The following ZFAT variants were observed in gnomAD, a reference collection of about 807,000 sequenced individuals.
ZFAT encodes zinc finger protein ZFAT.
ZFAT carries 64 observed loss-of-function variants against 117.7 expected under a neutral mutation model. The observed-to-expected ratio is 0.54, with a 90% CI of 0.44 to 0.67. The LOEUF is 0.67. Ranked by LOEUF, ZFAT falls within the 30% of genes least tolerant of loss-of-function variation. The probability of loss-of-function intolerance (pLI) is 0.00; values close to 1 mark genes in which losing one functional copy is unlikely to be tolerated. For synonymous variants in ZFAT, 679 were observed against 615.0 expected (o/e 1.10, Z -1.54); for missense variants, 1,433 against 1,584.5 (o/e 0.90, Z 1.62).
intron 11 of ZFAT, among the ~76,000 whole-genome samples, chr8:134,559,287 C>T (rs915971387): frequency 6.6e-6 from 1 of 152,182 alleles, no homozygotes; most frequent in African/African-American, 2.4e-5. Flanking sequence ...GGCTTGAAAG[C>T]AAACATAAGT....
intron 1 of ZFAT, among the ~76,000 whole-genome samples, chr8:134,704,512 C>T (rs761084637): frequency 6.6e-6 from 1 of 152,230 alleles, no homozygotes; most frequent in Non-Finnish European, 1.5e-5. Context: ...CTCATCCCTA[C>T]AGCCTGGACT....
At position 134,629,386 on chromosome 8, in the gene ZFAT, A is replaced by G. The variant is rs142510474; in HGVS notation, c.448+8075T>C. 8.7e-4 allele frequency among the ~76,000 whole-genome samples: 132 copies of G among 152,192 alleles called. 1 individual carries two copies. Among genetic ancestry groups the G allele is most frequent in the African/African-American group, 3.1e-3 (128 of 41,536 alleles). The stretch of plus-strand genomic sequence containing the variant: ...CGGCCGTCACTAGTGACGGTCACCA[A>G]GCATTTCCAGGGCTCCCCTACCCCG... On this transcript the variant is annotated intron_variant, in intron 3 of 15. Transcript: ENST00000377838.
Position 134,600,546 on chromosome 8 carries a change from C to A in ZFAT, c.2365G>T (p.Val789Leu). The A allele has an allele frequency of 3.7e-6, 6 of 1,614,110 alleles. No homozygotes were observed. The highest frequency in any genetic ancestry group is 1.1e-5 in the South Asian group (1 of 91,072). The stretch of plus-strand genomic sequence containing the variant: ...AAGATGTTACTGTGTTTCTGAATTA[C>A]GTGGCGTTTAAGGCAGTTTTTGGTG... ...SITKNCLKRH[V>L]IQKHSNILLK... The change falls in exon 7 of 16, where the codon GTA becomes TTA. Residue 789 changes from valine to leucine, a missense_variant. Around this residue, in one of 5 missense-constraint regions of ZFAT, gnomAD observed 49 missense variants for 81.5 expected, o/e 0.60. Coordinates refer to ENST00000377838, the MANE Select transcript of ZFAT (RefSeq NM_020863.4).
At chr8:134,731,322 C>T in the ZFAT span, among the ~76,000 whole-genome samples, 1 of 152,158 alleles carries the variant, frequency 6.6e-6, no homozygotes, top group Non-Finnish European at 1.5e-5. Flanking sequence ...CATAATAGCC[C>T]CAAGTGAGAA....
chr8:134,782,036 G>A, the ZFAT span, among the ~76,000 whole-genome samples: 3 of 152,164 alleles, frequency 2.0e-5, no homozygotes, highest in Admixed American at 6.5e-5. Flanking sequence ...GTGGCAGGGT[G>A]GGGTTAGGAT....
the ZFAT span, among the ~76,000 whole-genome samples, chr8:134,730,247 A>G: frequency 6.6e-6 from 1 of 152,236 alleles, no homozygotes; most frequent in Non-Finnish European, 1.5e-5. Flanking sequence ...GACAAGGCAA[A>G]GGCCCAACGT....
chr8:134,564,915 G>A (rs1440612732), intron 11 of ZFAT: 16 of 1,195,402 alleles, frequency 1.3e-5, no homozygotes, highest in Middle Eastern at 2.4e-4. Context: ...GGACACTCCC[G>A]AACACAATCT....
intron 1 of ZFAT, among the ~76,000 whole-genome samples, chr8:134,674,139 T>C (rs1461147155): frequency 1.3e-5 from 2 of 152,170 alleles, no homozygotes; most frequent in Non-Finnish European, 2.9e-5. Flanking sequence ...AGGTGGGGCA[T>C]TGCCTCACCT....
intron 15 of ZFAT, among the ~76,000 whole-genome samples, chr8:134,504,447 A>C (rs1819241561): frequency 6.6e-6 from 1 of 152,210 alleles, no homozygotes; most frequent in Non-Finnish European, 1.5e-5. Flanking sequence ...CCAGGGAAAG[A>C]AGAAAGGGCA....
upstream of ZFAT, among the ~76,000 whole-genome samples, chr8:134,713,399 G>A (rs1814113711): frequency 6.6e-6 from 1 of 152,238 alleles, no homozygotes; most frequent in South Asian, 2.1e-4. Context: ...ACTTGGGGCA[G>A]CGAATTAACT....
At chr8:134,507,221 C>T (rs1819482021) in intron 15 of ZFAT, among the ~76,000 whole-genome samples, 2 of 152,074 alleles carry the variant, frequency 1.3e-5, no homozygotes, top group Non-Finnish European at 2.9e-5. Flanking sequence ...AGGTTGAAAC[C>T]AATTTTTCTA....
At chr8:134,769,376 G>A in the ZFAT span, among the ~76,000 whole-genome samples, 2 of 152,208 alleles carry the variant, frequency 1.3e-5, no homozygotes, top group African/African-American at 4.8e-5. Context: ...ATGCAAGTCT[G>A]AAATCCAGTG....
rs150223960 is a variant in ZFAT at position 134,564,001 on chromosome 8, G to A, written c.2976+1332C>T. ...TCTACTAAAAATACAAAAATTAGCTGAGCGTGGCAGCGGGCTACCTGAGAC... is the reference window on the plus strand; with the variant it reads ...TCTACTAAAAATACAAAAATTAGCTAAGCGTGGCAGCGGGCTACCTGAGAC... On this transcript the variant is annotated intron_variant, in intron 11 of 15. Coordinates refer to ENST00000377838, the MANE Select transcript of ZFAT (RefSeq NM_020863.4). 1.4e-3 allele frequency among the ~76,000 whole-genome samples: 210 copies of A among 152,124 alleles called. 1 individual carries two copies. The highest frequency in any genetic ancestry group is 4.8e-3 in the African/African-American group (201 of 41,482).
the ZFAT span, chr8:134,723,468 A>G: frequency 6.6e-6 from 1 of 152,628 alleles, no homozygotes; most frequent in Non-Finnish European, 1.5e-5. Context: ...AGGCATGCGG[A>G]GGGAGTGCCC....
chr8:134,506,154 C>T (rs1819391427), intron 15 of ZFAT, among the ~76,000 whole-genome samples: 1 of 152,178 alleles, frequency 6.6e-6, no homozygotes, highest in Non-Finnish European at 1.5e-5. Context: ...CTTCCATTTA[C>T]CTTCTTAGGC....
the ZFAT span, among the ~76,000 whole-genome samples, chr8:134,773,906 C>T: frequency 6.7e-6 from 1 of 149,188 alleles, no homozygotes; most frequent in African/African-American, 2.5e-5. Context: ...ATGGTATGAA[C>T]ATTGTTGAAA....
chr8:134,810,645 A>G, the ZFAT span, among the ~76,000 whole-genome samples: 30 of 152,294 alleles, frequency 2.0e-4, no homozygotes, highest in South Asian at 6.2e-4. Context: ...AAGTCATTTA[A>G]CCGCTCCACA....
At chr8:134,539,469 G>GGT (rs913420333) in intron 11 of ZFAT, among the ~76,000 whole-genome samples, 1 of 152,148 alleles carries the variant, frequency 6.6e-6, no homozygotes, top group African/African-American at 2.4e-5. Context: ...CCTTGGAGAG[G>GGT]GTGAAGAAGA....
intron 8 of ZFAT, among the ~76,000 whole-genome samples, chr8:134,589,517 C>T (rs1346579334): frequency 1.3e-5 from 2 of 152,282 alleles, no homozygotes; most frequent in African/African-American, 4.8e-5. Flanking sequence ...ACACAATACA[C>T]TTGTCTGCTT....
Sources: gnomAD v4.1 joint callset for allele counts (sites outside exome capture counted in the v4.1 genomes callset) on GRCh38, gnomAD v4.1.1 for gene constraint, gnomAD v4.1.1 regional missense constraint, MANE v1.5 for transcripts, NCBI Gene and HGNC (gene_info 2026-07-23, HGNC 2026-07-21) for gene names.